The following GAS7 variants were observed in gnomAD, a reference collection of about 807,000 sequenced individuals.
GAS7 encodes growth arrest-specific protein 7.
In GAS7, 28 loss-of-function variants were observed where a neutral mutation model predicts 71.1. The observed-to-expected ratio is 0.39, with a 90% CI of 0.29 to 0.54. The LOEUF (loss-of-function observed/expected upper bound fraction) is 0.54, where lower values mean the gene tolerates loss of function less well. Among genes scored for constraint, GAS7 ranks in the 20% least tolerant of loss-of-function variants. The pLI is 0.62. For synonymous variants in GAS7, 258 were observed against 245.8 expected, an observed-to-expected ratio of 1.05 and a Z score of -0.46; for missense variants, 436 against 627.8, an observed-to-expected ratio of 0.69 and a Z score of 3.27.
At chr17:9,940,098 CA>C in intron 8 of GAS7, 27 bp downstream of exon 8, 1 of 1,249,780 alleles carries the variant, frequency 8.0e-7, no homozygotes, top group African/African-American at 1.5e-5. Context: ...CCATCCTCCC[CA>C]CTCCCACCTC....
intron 1 of GAS7, among the ~76,000 whole-genome samples, chr17:10,099,081 TTCTC>T (rs1221147462): frequency 6.6e-6 from 1 of 152,216 alleles, no homozygotes; most frequent in African/African-American, 2.4e-5. Flanking sequence ...TAGCAGGACT[TTCTC>T]TAAGCCCTGT....
chr17:9,947,581 C>A (rs2068836121), intron 5 of GAS7, among the ~76,000 whole-genome samples: 1 of 152,016 alleles, frequency 6.6e-6, no homozygotes, highest in Non-Finnish European at 1.5e-5. Context: ...CCCGTCTCTA[C>A]TAAAAATACA....
At chr17:10,024,718 C>T (rs1193095632) in intron 1 of GAS7, among the ~76,000 whole-genome samples, 1 of 152,114 alleles carries the variant, frequency 6.6e-6, no homozygotes, top group African/African-American at 2.4e-5. Context: ...GCAACCTGCT[C>T]AATGATATAT....
chr17:10,034,001 A>G lies in GAS7; in HGVS notation c.184-14104T>C, dbSNP rs2072685755. On this transcript the variant is annotated intron_variant, in intron 1 of 13. Coordinates refer to ENST00000432992, the MANE Select transcript of GAS7 (RefSeq NM_201433.2). The surrounding 1 kb of genome is among the most constrained non-coding windows in gnomAD (Gnocchi z 4.4). Reference sequence around the variant, plus strand: ...TTTCCAAGACTCAGTAAGGGGTGCAATTCTCACCAACCCGATTCAACTAAC... The same window carrying G: ...TTTCCAAGACTCAGTAAGGGGTGCAGTTCTCACCAACCCGATTCAACTAAC... The G allele has an allele frequency of 2.4e-6, 1 of 415,656 alleles. No individual in the cohort carries two copies. The highest frequency in any genetic ancestry group is 3.2e-6 in the Non-Finnish European group (1 of 309,056). The allele number at this position is 415,656 out of a possible 1,614,324, so 25.7% of individuals were successfully genotyped here. A position where few individuals can be genotyped will look rare whatever the true frequency, so the allele number is the denominator to read the frequency against.
intron 1 of GAS7, among the ~76,000 whole-genome samples, chr17:10,021,137 G>A (rs188886064): frequency 7.0e-4 from 106 of 152,266 alleles, no homozygotes; most frequent in African/African-American, 2.5e-3. Flanking sequence ...GAAGTAAATT[G>A]ATTAAAATCA....
At position 10,034,299 on chromosome 17, in the gene GAS7, C is replaced by T. The variant is rs538167960; in HGVS notation, c.184-14402G>A. 22 of 737,734 alleles carry T rather than the reference C, an allele frequency of 3.0e-5. No individual in the cohort carries two copies. The highest frequency in any genetic ancestry group is 3.6e-5 in the Non-Finnish European group (22 of 605,120). 45.7% of individuals were successfully genotyped at this position (737,734 alleles called of 1,614,324 possible). On this transcript the variant is annotated intron_variant, in intron 1 of 13. Coordinates refer to ENST00000432992, the MANE Select transcript of GAS7 (RefSeq NM_201433.2). This position sits in a 1 kb window ranked among gnomAD's most constrained non-coding sequence, Gnocchi z 4.4. ...GCTTTCATATATACATATATATAGCCTAATACTTAATAATTCTTTTTTTTT... is the reference window on the plus strand; with the variant it reads ...GCTTTCATATATACATATATATAGCTTAATACTTAATAATTCTTTTTTTTT...
intron 1 of GAS7, among the ~76,000 whole-genome samples, chr17:10,190,094 A>T (rs2074486527): frequency 6.6e-6 from 1 of 152,320 alleles, no homozygotes; most frequent in South Asian, 2.1e-4. Flanking sequence ...CTGCTTTTGC[A>T]CTACAGCAGC....
chr17:9,972,311 C>G (rs1384960013), intron 3 of GAS7, among the ~76,000 whole-genome samples: 1 of 152,176 alleles, frequency 6.6e-6, no homozygotes, highest in Admixed American at 6.5e-5. Flanking sequence ...AAGGAGAATC[C>G]ACTCTGACTG....
chr17:10,183,374 GC>G (rs969698975), intron 1 of GAS7, among the ~76,000 whole-genome samples: 2 of 152,022 alleles, frequency 1.3e-5, no homozygotes, highest in African/African-American at 2.4e-5. Flanking sequence ...AACACCATCC[GC>G]CCTGTGTGCC....
chr17:9,987,760 A>G (rs1413101433), intron 2 of GAS7, among the ~76,000 whole-genome samples: 2 of 152,254 alleles, frequency 1.3e-5, no homozygotes, highest in Admixed American at 6.5e-5. Context: ...AAAAACAGTG[A>G]GCTAGGCGGA....
At position 9,926,912 on chromosome 17, in the gene GAS7, G is replaced by T; in HGVS notation, c.886-143C>A. ...GTAGCGACCTGGCAGGAAGGTGAGA[G>T]ACACCCCCTGACACGTGGCTGCCTA... On this transcript the variant is annotated intron_variant, in intron 9 of 13. Coordinates refer to ENST00000432992, the MANE Select transcript of GAS7 (RefSeq NM_201433.2). This position sits in a 1 kb window ranked among gnomAD's most constrained non-coding sequence, Gnocchi z 5.0. 1.3e-6 allele frequency: 1 copy of T among 763,288 alleles called. No individual in the cohort carries two copies. Among genetic ancestry groups the T allele is most frequent in the South Asian group, 1.6e-5 (1 of 62,892 alleles). 47.3% of individuals were successfully genotyped at this position (763,288 alleles called of 1,614,324 possible).
intron 1 of GAS7, among the ~76,000 whole-genome samples, chr17:10,156,458 G>A (rs113083683): frequency 6.6e-6 from 1 of 152,178 alleles, no homozygotes; most frequent in Non-Finnish European, 1.5e-5. Flanking sequence ...TTCTCCCAGA[G>A]CAAATAATTT....
At position 9,918,921 on chromosome 17, in the gene GAS7, T is replaced by C. The variant is rs2067690163; in HGVS notation, c.1218+705A>G. Among the ~76,000 whole-genome samples, 5 of 152,144 alleles carry C rather than the reference T, an allele frequency of 3.3e-5. No individual in the cohort carries two copies. In the South Asian group the frequency reaches 8.3e-4, roughly 25 times the overall value. ...TAGGTCACTGTCCCTGGTGGAGGCCTCTAATCTGCTCTGGTGGGCTGACAC... is the reference window on the plus strand; with the variant it reads ...TAGGTCACTGTCCCTGGTGGAGGCCCCTAATCTGCTCTGGTGGGCTGACAC... On this transcript the variant is annotated intron_variant, in intron 12 of 13. Transcript: ENST00000432992.
At chr17:9,936,005 G>A (rs1023578762) in intron 8 of GAS7, among the ~76,000 whole-genome samples, 2 of 152,208 alleles carry the variant, frequency 1.3e-5, no homozygotes, top group African/African-American at 2.4e-5. Context: ...AGCTAGGGCC[G>A]ATTGACTGCA....
At chr17:9,988,470 C>T (rs1319786206) in intron 2 of GAS7, among the ~76,000 whole-genome samples, 1 of 152,204 alleles carries the variant, frequency 6.6e-6, no homozygotes, top group Non-Finnish European at 1.5e-5. Flanking sequence ...AGCAGCAGTT[C>T]ACAGAGACCT....
At chr17:10,106,177 G>A (rs1026175958) in intron 1 of GAS7, among the ~76,000 whole-genome samples, 2 of 152,172 alleles carry the variant, frequency 1.3e-5, no homozygotes, top group African/African-American at 4.8e-5. Context: ...AAAGTGCCAT[G>A]CGTATTCCTA....
At chr17:10,129,107 GA>G (rs1423664557) in intron 1 of GAS7, among the ~76,000 whole-genome samples, 2 of 152,148 alleles carry the variant, frequency 1.3e-5, no homozygotes, top group Admixed American at 1.3e-4. Context: ...CTCAATGGGG[GA>G]AAGGGCCATC....
chr17:10,086,359 T>G (rs1205080189), intron 1 of GAS7, among the ~76,000 whole-genome samples: 2 of 152,168 alleles, frequency 1.3e-5, no homozygotes, highest in Non-Finnish European at 2.9e-5. Flanking sequence ...ACTGATCATA[T>G]CTGGGGAGAT....
intron 1 of GAS7, among the ~76,000 whole-genome samples, chr17:10,158,704 G>A (rs1441953740): frequency 6.6e-6 from 1 of 151,946 alleles, no homozygotes; most frequent in East Asian, 2.0e-4. Context: ...AGTGTGCACT[G>A]TAATTCTTGC....
Sources: allele counts gnomAD v4.1 joint callset (sites outside exome capture counted in the v4.1 genomes callset), GRCh38; gene constraint gnomAD v4.1.1; non-coding constraint Gnocchi (gnomAD v3.1); transcripts MANE v1.5; gene names NCBI Gene and HGNC (gene_info 2026-07-23, HGNC 2026-07-21).